Variants in HIRA observed in about 807,000 individuals in gnomAD.
The protein encoded by HIRA is histone cell cycle regulator, also known as protein HIRA.
HIRA carries 13 observed loss-of-function variants against 126.6 expected under a neutral mutation model. The ratio of observed to expected loss-of-function variants is 0.10; its 90% CI spans 0.07 to 0.16. The LOEUF is 0.16. Among genes scored for constraint, HIRA ranks in the 10% least tolerant of loss-of-function variants. The pLI, the probability that HIRA is intolerant of heterozygous loss-of-function variation, is 1.00. For synonymous variants in HIRA, 511 were observed against 520.0 expected (o/e 0.98, Z 0.24); for missense variants, 834 against 1,314.4 (o/e 0.63, Z 5.65).
At chr22:19,422,171 T>TACACACACACAC (rs763716204) in intron 1 of HIRA, among the ~76,000 whole-genome samples, 23 of 143,188 alleles carry the variant, frequency 1.6e-4, no homozygotes, top group East Asian at 1.0e-3. Flanking sequence ...TGTTTATATA[T>TACACACACACAC]ACACACACAC....
chr22:19,387,929 T>C, intron 10 of HIRA, 113 bp from the exon 11 acceptor site: 1 of 225,586 alleles, frequency 4.4e-6, no homozygotes, highest in South Asian at 6.0e-5. Context: ...TGCTGGAAAC[T>C]CCTGGTTCCC....
intron 1 of HIRA, chr22:19,430,397 G>A (rs946641058): frequency 5.9e-5 from 9 of 152,158 alleles, no homozygotes; most frequent in African/African-American, 1.9e-4. Flanking sequence ...TTTAGTTGTG[G>A]TAGTAGAGAG....
At chr22:19,344,151 T>C (rs1210706) in intron 24 of HIRA, among the ~76,000 whole-genome samples, 131,982 of 152,104 alleles carry the variant, frequency 0.87, 58,534 homozygotes, top group Non-Finnish European at 0.96. Flanking sequence ...GAACTATACC[T>C]AAAGCTAGCA....
Position 19,378,878 on chromosome 22 carries a change from C to T in HIRA, c.1416-812G>A, listed in dbSNP as rs149274711. Among the ~76,000 whole-genome samples, 843 of 152,306 alleles carry T rather than the reference C, an allele frequency of 5.5e-3. 9 individuals carry two copies. Among genetic ancestry groups the T allele is most frequent in the African/African-American group, 0.018 (760 of 41,558 alleles). On this transcript the variant is annotated intron_variant, in intron 13 of 24. Coordinates refer to ENST00000263208, the MANE Select transcript of HIRA (RefSeq NM_003325.4). The stretch of plus-strand genomic sequence containing the variant: ...GAATAAATATTTCTAAAGTGCCCTC[C>T]TCAGAGGTTTAAATTACAAGCCATG...
chr22:19,385,162 C>A (rs1251920705), intron 12 of HIRA, among the ~76,000 whole-genome samples: 1 of 152,228 alleles, frequency 6.6e-6, no homozygotes, highest in East Asian at 1.9e-4. Context: ...TCCCATCAAA[C>A]ATGGCTTCCA....
chr22:19,414,120 C>G (rs1041996768), intron 1 of HIRA, among the ~76,000 whole-genome samples: 1 of 152,192 alleles, frequency 6.6e-6, no homozygotes, highest in Admixed American at 6.5e-5. Context: ...AGACACCAAG[C>G]AATCACCTAT....
At position 19,333,201 on chromosome 22, in the gene HIRA, C is replaced by A. The variant is rs555337026; in HGVS notation, c.2938-1645G>T. Reference sequence around the variant, plus strand: ...GGGATTAAAGGCGTGAGCCACTATGCCTGGCAAAAGTCATTTCTTGAAAAG... The same window carrying A: ...GGGATTAAAGGCGTGAGCCACTATGACTGGCAAAAGTCATTTCTTGAAAAG... On this transcript the variant is annotated intron_variant, in intron 24 of 24. Coordinates refer to ENST00000263208, the MANE Select transcript of HIRA (RefSeq NM_003325.4). Among the ~76,000 whole-genome samples the A allele has an allele frequency of 3.9e-5, 6 of 152,230 alleles. No individual in the cohort carries two copies. In the East Asian group the frequency reaches 1.2e-3, roughly 29 times the overall value.
chr22:19,420,309 A>C (rs1178796534), intron 1 of HIRA, among the ~76,000 whole-genome samples: 1 of 151,738 alleles, frequency 6.6e-6, no homozygotes, highest in Non-Finnish European at 1.5e-5. Flanking sequence ...AAAAACAAAA[A>C]ACAAAAATTA....
intron 1 of HIRA, among the ~76,000 whole-genome samples, chr22:19,428,433 T>C (rs1013060587): frequency 6.6e-6 from 1 of 152,164 alleles, no homozygotes; most frequent in African/African-American, 2.4e-5. Flanking sequence ...TCACACAATT[T>C]TATGGCCCAA....
At chr22:19,424,913 T>C (rs1322875273) in intron 1 of HIRA, among the ~76,000 whole-genome samples, 2 of 152,226 alleles carry the variant, frequency 1.3e-5, no homozygotes, top group Non-Finnish European at 2.9e-5. Flanking sequence ...CTTCCTCTCC[T>C]GTCATCAGTG....
chr22:19,336,931 C>T (rs1390030059), intron 24 of HIRA, among the ~76,000 whole-genome samples: 1 of 152,102 alleles, frequency 6.6e-6, no homozygotes, highest in African/African-American at 2.4e-5. Context: ...CTAGTCTACC[C>T]AAATGAGAAG....
chr22:19,337,894 C>T (rs1016970695), intron 24 of HIRA, among the ~76,000 whole-genome samples: 1 of 152,104 alleles, frequency 6.6e-6, no homozygotes, highest in Non-Finnish European at 1.5e-5. Context: ...CTGGTTCACG[C>T]AATTCTCCTG....
At chr22:19,408,873 TG>T (rs1276826087) in intron 2 of HIRA, among the ~76,000 whole-genome samples, 1 of 152,226 alleles carries the variant, frequency 6.6e-6, no homozygotes, top group African/African-American at 2.4e-5. Context: ...AGCTCTGATC[TG>T]GCCTCTAACA....
intron 8 of HIRA, among the ~76,000 whole-genome samples, chr22:19,394,091 G>C (rs1210941388): frequency 6.6e-6 from 1 of 152,128 alleles, no homozygotes; most frequent in Non-Finnish European, 1.5e-5. Flanking sequence ...GCCAGGTGAG[G>C]GTGGCACCGT....
intron 5 of HIRA, among the ~76,000 whole-genome samples, chr22:19,403,388 T>A (rs757758055): frequency 6.6e-6 from 1 of 152,096 alleles, no homozygotes; most frequent in Admixed American, 6.5e-5. Context: ...GACAGGCAGA[T>A]CACGAGGTCA....
intron 1 of HIRA, among the ~76,000 whole-genome samples, chr22:19,420,068 G>C (rs2089431747): frequency 1.3e-5 from 2 of 150,490 alleles, no homozygotes; most frequent in Admixed American, 1.3e-4. Context: ...GTGTGTGTGT[G>C]TGCACGCGCC....
rs189692061 is a variant in HIRA at position 19,426,772 on chromosome 22, G to A, written c.37+4668C>T. Among the ~76,000 whole-genome samples, 224 of 152,312 alleles carry A rather than the reference G, an allele frequency of 1.5e-3. 2 individuals are homozygous for A. Among genetic ancestry groups the A allele is most frequent in the African/African-American group, 5.2e-3 (217 of 41,558 alleles). ...CCAGTTTTCTTCTGACTCTTCAGAT[G>A]TACTCTGGTTATTTTCCTAAATCAA... On this transcript the variant is annotated intron_variant, in intron 1 of 24. Coordinates refer to ENST00000263208, the MANE Select transcript of HIRA (RefSeq NM_003325.4).
rs1556012826 is a variant in HIRA, at chr22:19,357,017, G to A, written c.2269C>T (p.Leu757=). Residue 757 remains leucine, a synonymous_variant, in exon 19 of 25, where the codon CTG becomes TTG. Coordinates refer to ENST00000263208, the MANE Select transcript of HIRA (RefSeq NM_003325.4). ...CGACCACAGGTGGAGAACACTGACA[G>A]CATCCTTTTTTCACAGGCGACACAC... ...VVCVACEKRM[L]SVFSTCGRRL... is the part of the protein sequence containing the mutation. The A allele has an allele frequency of 1.9e-6, 3 of 1,614,126 alleles. No individual in the cohort carries two copies. The highest frequency in any genetic ancestry group is 1.7e-6 in the Non-Finnish European group (2 of 1,180,026).
chr22:19,355,137 C>T (rs183065916), intron 21 of HIRA, among the ~76,000 whole-genome samples: 3 of 152,032 alleles, frequency 2.0e-5, no homozygotes, highest in Admixed American at 2.0e-4. Context: ...CAGTTCTTAA[C>T]AGAAAAGGGG....
Sources: allele counts gnomAD v4.1 joint callset (sites outside exome capture counted in the v4.1 genomes callset), GRCh38; gene constraint gnomAD v4.1.1; transcripts MANE v1.5; gene names NCBI Gene and HGNC (gene_info 2026-07-23, HGNC 2026-07-21).